Variants in TNS2 observed in about 807,000 individuals in gnomAD.
TNS2 encodes the protein tensin 2.
In TNS2, 77 loss-of-function variants were observed where a neutral mutation model predicts 155.7. The ratio of observed to expected loss-of-function variants is 0.49; its 90% CI spans 0.41 to 0.60. The LOEUF (loss-of-function observed/expected upper bound fraction) is 0.60. Among genes scored for constraint, TNS2 ranks in the 20% least tolerant of loss-of-function variants. The probability of loss-of-function intolerance (pLI) is 0.00; values close to 1 mark genes in which losing one functional copy is unlikely to be tolerated. For synonymous variants in TNS2, 726 were observed against 763.9 expected (o/e 0.95, Z 0.82); for missense variants, 1,703 against 1,868.8 (o/e 0.91, Z 1.64).
rs1227371400 is a variant in TNS2 at position 53,050,206 on chromosome 12, G to C, written c.21G>C (p.Val7=). 6.2e-7 allele frequency: 1 copy of C among 1,611,156 alleles called. No homozygotes were observed. Among genetic ancestry groups the C allele is most frequent in the Admixed American group, 1.7e-5 (1 of 59,862 alleles). Residue 7 remains valine (V), a synonymous_variant, in exon 1 of 29, where the codon GTG becomes GTC. Transcript: ENST00000314250. This position sits in a 1 kb window ranked among gnomAD's most constrained non-coding sequence, Gnocchi z 4.7. ...ACACCATGAAGTCCAGCGGCCCTGT[G>C]GAGAGGCTGCTCAGAGCCCTGGGGA... MKSSGP[V]ERLLRALGRR...
Position 53,060,722 on chromosome 12 carries a change from G to C in TNS2, c.2816G>C (p.Arg939Thr), listed in dbSNP as rs1411958823. The change falls in exon 20 of 29, where the codon AGA becomes ACA. Residue 939 changes from arginine to threonine, a missense_variant. By Grantham distance (71) the Arg-to-Thr change is moderately conservative. Coordinates refer to ENST00000314250, the MANE Select transcript of TNS2 (RefSeq NM_170754.4). The surrounding 1 kb of genome is among the most constrained non-coding windows in gnomAD (Gnocchi z 6.1). ...TRSPTSAPTQ[R>T]LSPGEALPPV... ...TCCCCCACCTCAGCGCCCACTCAGA[G>C]ACTGAGTCCTGGCGAGGCCTTGCCC... 1 of 1,601,810 alleles carries C rather than the reference G, an allele frequency of 6.2e-7. No individual in the cohort carries two copies. Among genetic ancestry groups the C allele is most frequent in the Non-Finnish European group, 8.5e-7 (1 of 1,172,428 alleles).
At chr12:53,051,566 GC>G (rs1943932036) in intron 1 of TNS2, among the ~76,000 whole-genome samples, 1 of 152,186 alleles carries the variant, frequency 6.6e-6, no homozygotes, top group Non-Finnish European at 1.5e-5. Context: ...GAGCATGGAG[GC>G]TTTTCCACAA....
In TNS2 at chr12:53,060,482, T is replaced by G. The variant is rs1487527739; in HGVS notation, c.2695T>G (p.Cys899Gly). 1.2e-6 allele frequency: 2 copies of G among 1,613,652 alleles called. No individual in the cohort carries two copies. The highest frequency in any genetic ancestry group is 8.5e-7 in the Non-Finnish European group (1 of 1,179,966). ...GCCTCGGTCTCCCCGAGATGCCCCA[T>G]GCAGTGCTTCGTCAGAGTTGTCTGG... The part of the protein sequence containing the change: ...TLPRSPRDAP[C>G]SASSELSGPS... Residue 899 changes from cysteine to glycine, a missense_variant, in exon 19 of 29, where the codon TGC (cysteine) becomes GGC (glycine). Transcript: ENST00000314250. The surrounding 1 kb of genome is among the most constrained non-coding windows in gnomAD (Gnocchi z 6.1).
upstream of TNS2, chr12:53,049,151 G>A (rs200844646): frequency 6.4e-7 from 1 of 1,574,194 alleles, no homozygotes; most frequent in Non-Finnish European, 8.6e-7. Context: ...CCCATGGATG[G>A]GGGTGGAGTA....
chr12:53,055,446 A>T, intron 8 of TNS2, 122 bp from the exon 9 acceptor site: 1 of 1,316,236 alleles, frequency 7.6e-7, no homozygotes, highest in Admixed American at 2.2e-5. Context: ...CGAGGCTATC[A>T]TGGACAACCA....
chr12:53,057,150 A>G (rs1944190449), intron 11 of TNS2, 54 bp downstream of exon 11: 7 of 1,547,980 alleles, frequency 4.5e-6, no homozygotes, highest in Non-Finnish European at 6.2e-6. Context: ...CATGGCTACC[A>G]AGGCCAAGAC....
At chr12:53,057,161 T>A in intron 11 of TNS2, 65 bp downstream of exon 11, 1 of 1,507,992 alleles carries the variant, frequency 6.6e-7, no homozygotes, top group African/African-American at 1.4e-5. Context: ...AGGCCAAGAC[T>A]CTCTTATTCA....
chr12:53,051,797 C>T (rs1013447783), intron 1 of TNS2, 58 bp from the exon 2 acceptor site: 15 of 1,378,254 alleles, frequency 1.1e-5, no homozygotes, highest in East Asian at 4.6e-5. Flanking sequence ...TGCCCAGTCC[C>T]GGAGATGGAG....
chr12:53,060,416 C>T lies in TNS2; in HGVS notation c.2629C>T (p.Pro877Ser). ...GPLASAESLE[P>S]VSWREGPSGH... ...CCCCTTCACTGCAGAGTCGCTGGAG[C>T]CGGTGTCCTGGAGGGAGGGCCCCAG... Residue 877 changes from proline (P) to serine (S), a missense_variant, in exon 19 of 29, where the codon CCG becomes TCG. By Grantham distance (74) the Pro-to-Ser change is moderately conservative. Transcript: ENST00000314250. The surrounding 1 kb of genome is among the most constrained non-coding windows in gnomAD (Gnocchi z 6.1). 1 of 1,612,816 alleles carries T rather than the reference C, an allele frequency of 6.2e-7. No homozygotes were observed. Among genetic ancestry groups the T allele is most frequent in the Non-Finnish European group, 8.5e-7 (1 of 1,179,606 alleles).
At chr12:53,049,383 G>C, upstream of TNS2, 2 of 720,644 alleles carry the variant, frequency 2.8e-6, no homozygotes, top group Non-Finnish European at 4.5e-6. Context: ...TGGGTGAGTG[G>C]GGGGCACTGT....
In TNS2 at chr12:53,051,896, C is replaced by G. The variant is rs1341745601; in HGVS notation, c.117C>G (p.Phe39Leu). 1 of 1,613,712 alleles carries G rather than the reference C, an allele frequency of 6.2e-7. No homozygotes were observed. The highest frequency in any genetic ancestry group is 2.2e-5 in the East Asian group (1 of 44,872). Residue 39 changes from phenylalanine to leucine, a missense_variant, in exon 2 of 29, where the codon TTC (phenylalanine) becomes TTG (leucine). Phe to Leu is a conservative substitution (Grantham distance 22). Coordinates refer to ENST00000314250, the MANE Select transcript of TNS2 (RefSeq NM_170754.4). ...AEPHSFREKV[F>L]RKKPPVCAVC... ...CTCATAGCTTCCGGGAGAAGGTTTT[C>G]CGGAAGAAACCTCCAGTCTGTGCAG...
rs1237476866 is a variant in TNS2, at chr12:53,063,603, C to T, written c.4091+11C>T. 6.2e-7 allele frequency: 1 copy of T among 1,614,178 alleles called. No individual in the cohort carries two copies. Among genetic ancestry groups the T allele is most frequent in the Non-Finnish European group, 8.5e-7 (1 of 1,180,022 alleles). ...CGGGACCACCTCCAAGTAAGCCTCC[C>T]CACGAATTCAGCCTCTTCCTTCCAA... On this transcript the variant is annotated intron_variant, in intron 28 of 28. Transcript: ENST00000314250. This position sits in a 1 kb window ranked among gnomAD's most constrained non-coding sequence, Gnocchi z 5.6.
chr12:53,060,251 A>G lies in TNS2; in HGVS notation c.2610A>G (p.Ala870=). 6.5e-7 allele frequency: 1 copy of G among 1,540,568 alleles called. No individual in the cohort carries two copies. ...ACCTGGCCTCAGCAGGACCTTTGGC[A>G]TCTGCAGGTGAGGGGCACCAGAGTG... ...PGHLASAGPL[A]SAESLEPVSW... The change falls in exon 18 of 29, where the codon GCA becomes GCG. Residue 870 remains alanine (A), a synonymous_variant. Transcript: ENST00000314250. The surrounding 1 kb of genome is among the most constrained non-coding windows in gnomAD (Gnocchi z 6.1).
chr12:53,052,620 C>T (rs943721693), intron 3 of TNS2, 128 bp downstream of exon 3: 1 of 1,320,740 alleles, frequency 7.6e-7, no homozygotes, highest in Admixed American at 1.8e-5. Flanking sequence ...GGAACCCCTC[C>T]TGGGTGGGAG....
chr12:53,051,327 T>G (rs1481710992), intron 1 of TNS2, among the ~76,000 whole-genome samples: 1 of 152,204 alleles, frequency 6.6e-6, no homozygotes, highest in African/African-American at 2.4e-5. Context: ...CATGTTGTTC[T>G]GACCGTGGGG....
chr12:53,061,767 AC>A, intron 21 of TNS2, 47 bp from the exon 22 acceptor site: 1 of 1,583,488 alleles, frequency 6.3e-7, no homozygotes, highest in Non-Finnish European at 8.6e-7. Flanking sequence ...GGCTCAGTCC[AC>A]CCCTGTGAAA....
Position 53,055,231 on chromosome 12 carries a change from C to A in TNS2, c.568C>A (p.Pro190Thr), listed in dbSNP as rs1003090836. The A allele has an allele frequency of 5.6e-6, 9 of 1,613,822 alleles. No individual in the cohort carries two copies. Among genetic ancestry groups the A allele is most frequent in the Admixed American group, 3.3e-5 (2 of 59,974 alleles). The change falls in exon 8 of 29, where the codon CCC becomes ACC. Residue 190 changes from proline (P) to threonine (T), a missense_variant. Transcript: ENST00000314250. ...EKRHDLTRLN[P>T]KVQDFGWPEL... ...AAGGCATGACCTGACCCGCTTAAAC[C>A]CCAAGGTATGAAGGAAATGGCCTGC...
Position 53,057,074 on chromosome 12 carries a change from G to C in TNS2, c.823G>C (p.Glu275Gln). Residue 275 changes from glutamate (E) to glutamine (Q), a missense_variant, in exon 11 of 29, where the codon GAA becomes CAA. Glu to Gln is a conservative substitution (Grantham distance 29). Transcript: ENST00000314250. ...RKFCEDKVAT[E>Q]LQPSQRRYIS... ...ATTCTGCGAGGACAAGGTGGCCACAGAACTGCAGCCCTCCCAGCGTCGGTG... is the reference window on the plus strand; with the variant it reads ...ATTCTGCGAGGACAAGGTGGCCACACAACTGCAGCCCTCCCAGCGTCGGTG... The C allele has an allele frequency of 6.2e-7, 1 of 1,613,550 alleles. No homozygotes were observed. Among genetic ancestry groups the C allele is most frequent in the Non-Finnish European group, 8.5e-7 (1 of 1,179,844 alleles).
chr12:53,063,923 C>T lies in TNS2; in HGVS notation c.*41C>T. 1.2e-6 allele frequency: 2 copies of T among 1,602,154 alleles called. No individual in the cohort carries two copies. Among genetic ancestry groups the T allele is most frequent in the Non-Finnish European group, 8.5e-7 (1 of 1,172,580 alleles). On this transcript the variant is annotated 3_prime_UTR_variant, in exon 29 of 29. Coordinates refer to ENST00000314250, the MANE Select transcript of TNS2 (RefSeq NM_170754.4). This position sits in a 1 kb window ranked among gnomAD's most constrained non-coding sequence, Gnocchi z 5.6. The stretch of plus-strand genomic sequence containing the variant: ...TCAGAGCCCACATCAACACTGCCCC[C>T]CTCCCAGCACCCCACAGCCCTCACA...
Sources: allele counts gnomAD v4.1 joint callset (sites outside exome capture counted in the v4.1 genomes callset), GRCh38; gene constraint gnomAD v4.1.1; non-coding constraint Gnocchi (gnomAD v3.1); transcripts MANE v1.5; gene names NCBI Gene and HGNC (gene_info 2026-07-23, HGNC 2026-07-21).